The following TENM2 variants were observed in gnomAD, a reference collection of about 807,000 sequenced individuals.
TENM2 encodes teneurin-2.
A neutral mutation model predicts 245.2 loss-of-function variants in TENM2; 52 were observed. That is an observed-to-expected ratio of 0.21 (90% CI 0.17 to 0.27). TENM2 has a LOEUF of 0.27. Ranked by LOEUF, TENM2 falls within the 10% of genes least tolerant of loss-of-function variation. The pLI, the probability that TENM2 is intolerant of heterozygous loss-of-function variation, is 1.00. For synonymous variants in TENM2, 1,363 were observed against 1,438.9 expected (o/e 0.95, Z 1.19); for missense variants, 3,046 against 3,666.8 (o/e 0.83, Z 4.37).
the TENM2 span, among the ~76,000 whole-genome samples, chr5:167,087,122 C>T: frequency 6.6e-6 from 1 of 152,168 alleles, no homozygotes; most frequent in Non-Finnish European, 1.5e-5. Context: ...GCCTACCTTT[C>T]ACCCTCCTTT....
chr5:167,112,131 G>C, the TENM2 span, among the ~76,000 whole-genome samples: 1 of 152,172 alleles, frequency 6.6e-6, no homozygotes, highest in East Asian at 1.9e-4. Flanking sequence ...ATGACACACA[G>C]AAGCTGTTTT....
At chr5:167,652,365 T>C (rs1754530391) in intron 2 of TENM2, among the ~76,000 whole-genome samples, 1 of 152,218 alleles carries the variant, frequency 6.6e-6, no homozygotes, top group Non-Finnish European at 1.5e-5. Context: ...AATTTTGGGC[T>C]TATTCCTTGC....
chr5:167,101,938 ATT>A, the TENM2 span, among the ~76,000 whole-genome samples: 572 of 111,086 alleles, frequency 5.1e-3, 10 homozygotes, highest in African/African-American at 0.023. Flanking sequence ...ATATATATAT[ATT>A]TTTTTTTTTT....
chr5:167,746,828 A>ATG (rs1424867868), intron 2 of TENM2, among the ~76,000 whole-genome samples: 4 of 151,814 alleles, frequency 2.6e-5, no homozygotes, highest in Admixed American at 2.6e-4. Context: ...GTGTGCGTCT[A>ATG]TGTGTGTGTG....
At chr5:167,722,501 T>C (rs574588410) in intron 2 of TENM2, among the ~76,000 whole-genome samples, 2 of 152,184 alleles carry the variant, frequency 1.3e-5, no homozygotes, top group South Asian at 4.2e-4. Context: ...AATAGACTAG[T>C]TTTTAGAATT....
At chr5:167,669,476 C>T (rs1261119559) in intron 2 of TENM2, among the ~76,000 whole-genome samples, 3 of 151,810 alleles carry the variant, frequency 2.0e-5, no homozygotes, top group Non-Finnish European at 2.9e-5. Flanking sequence ...ATGGAGGAAG[C>T]GTAAAGAAAA....
the TENM2 span, among the ~76,000 whole-genome samples, chr5:167,101,941 T>A: frequency 0.073 from 9,535 of 130,332 alleles, 1,097 homozygotes; most frequent in African/African-American, 0.23. Context: ...TATATATATT[T>A]TTTTTTTTTT....
chr5:167,051,521 T>C, the TENM2 span, among the ~76,000 whole-genome samples: 3 of 152,084 alleles, frequency 2.0e-5, no homozygotes, highest in African/African-American at 7.2e-5. Flanking sequence ...TGTTTTCCAG[T>C]CCTTTGCCTC....
intron 6 of TENM2, among the ~76,000 whole-genome samples, chr5:168,051,076 A>G (rs943954422): frequency 3.3e-5 from 5 of 152,256 alleles, no homozygotes; most frequent in African/African-American, 1.2e-4. Flanking sequence ...ACCTGGTCAG[A>G]TAACATAAGG....
intron 5 of TENM2, among the ~76,000 whole-genome samples, chr5:167,993,464 G>A (rs530407318): frequency 4.6e-5 from 7 of 152,238 alleles, no homozygotes; most frequent in South Asian, 2.1e-4. Flanking sequence ...TTTCATTCCC[G>A]CAAACCTATC....
At chr5:167,375,408 G>A (rs767313102) in exon 2 of TENM2, 2 of 1,551,742 alleles carry the variant, frequency 1.3e-6, no homozygotes, top group South Asian at 2.4e-5. Flanking sequence ...GGCCTGTCCA[G>A]TCGTGAAAAC....
the TENM2 span, among the ~76,000 whole-genome samples, chr5:167,033,846 A>T: frequency 6.6e-6 from 1 of 152,206 alleles, no homozygotes; most frequent in Admixed American, 6.5e-5. Flanking sequence ...CACTGTCAAC[A>T]CCTAACTGTC....
chr5:168,049,717 A>C (rs933641721), intron 6 of TENM2, among the ~76,000 whole-genome samples: 3 of 152,214 alleles, frequency 2.0e-5, no homozygotes, highest in Non-Finnish European at 1.5e-5. Flanking sequence ...CATGCTTTTG[A>C]AAATGTTGTT....
At chr5:167,364,176 CT>C (rs931460956) in intron 1 of TENM2, among the ~76,000 whole-genome samples, 7 of 151,880 alleles carry the variant, frequency 4.6e-5, no homozygotes, top group Non-Finnish European at 5.9e-5. Context: ...ATGACTGAGA[CT>C]TTTTTTATAT....
chr5:167,205,167 G>A, the TENM2 span, among the ~76,000 whole-genome samples: 1 of 152,164 alleles, frequency 6.6e-6, no homozygotes, highest in Non-Finnish European at 1.5e-5. Flanking sequence ...GATCACTTGA[G>A]GTCAGGAGTT....
At chr5:167,230,811 A>G in the TENM2 span, among the ~76,000 whole-genome samples, 1 of 152,240 alleles carries the variant, frequency 6.6e-6, no homozygotes, top group Non-Finnish European at 1.5e-5. Flanking sequence ...TCAAAAGCTG[A>G]GCATCAGCTT....
chr5:167,803,631 A>G (rs1369067070), intron 2 of TENM2, among the ~76,000 whole-genome samples: 5 of 152,132 alleles, frequency 3.3e-5, no homozygotes, highest in African/African-American at 1.2e-4. Context: ...TATGCAGAAC[A>G]GAGGCATAAA....
intron 2 of TENM2, among the ~76,000 whole-genome samples, chr5:167,565,049 G>A (rs1237659224): frequency 2.0e-5 from 3 of 152,204 alleles, no homozygotes; most frequent in Non-Finnish European, 2.9e-5. Context: ...ATTGAGAGGC[G>A]CTACAAAATC....
chr5:167,089,260 T>G, the TENM2 span, among the ~76,000 whole-genome samples: 2 of 152,332 alleles, frequency 1.3e-5, no homozygotes, highest in South Asian at 4.1e-4. Context: ...TTATTTTGCA[T>G]GTTTTTTGCA....
Sources: gnomAD v4.1 joint callset for allele counts (sites outside exome capture counted in the v4.1 genomes callset) on GRCh38, gnomAD v4.1.1 for gene constraint, MANE v1.5 for transcripts, NCBI Gene and HGNC (gene_info 2026-07-23, HGNC 2026-07-21) for gene names.